The following MTHFD2L variants were observed in gnomAD, a reference collection of about 807,000 sequenced individuals.
MTHFD2L encodes methylenetetrahydrofolate dehydrogenase (NADP+ dependent) 2 like.
Under a neutral mutation model 34.9 loss-of-function variants are expected in MTHFD2L, and 29 were observed. The observed-to-expected ratio is 0.83, with a 90% CI of 0.62 to 1.13. The LOEUF (loss-of-function observed/expected upper bound fraction) is 1.13, where lower values mean the gene tolerates loss of function less well. Ranked by LOEUF, MTHFD2L falls within the 50% of genes most tolerant of loss-of-function variation. The pLI, the probability that MTHFD2L is intolerant of heterozygous loss-of-function variation, is 0.00. For synonymous variants in MTHFD2L, 167 were observed against 155.7 expected, an observed-to-expected ratio of 1.07 and a Z score of -0.54; for missense variants, 481 against 446.5, an observed-to-expected ratio of 1.08 and a Z score of -0.70.
intron 1 of MTHFD2L, among the ~76,000 whole-genome samples, chr4:74,149,471 G>A (rs975611717): frequency 6.1e-5 from 9 of 146,822 alleles, no homozygotes; most frequent in African/African-American, 2.2e-4. Context: ...GGAGTAAAAG[G>A]GAAAAAGCAA....
At chr4:74,241,547 A>AATTTTTGT in intron 6 of MTHFD2L, 1 of 445,938 alleles carries the variant, frequency 2.2e-6, no homozygotes, top group South Asian at 1.6e-5. Flanking sequence ...ATGCGTAGCT[A>AATTTTTGT]ATTTTTGTAT....
At chr4:74,181,991 G>A (rs1730266264) in intron 3 of MTHFD2L, among the ~76,000 whole-genome samples, 1 of 152,062 alleles carries the variant, frequency 6.6e-6, no homozygotes, top group Admixed American at 6.6e-5. Context: ...TATGTATCCA[G>A]AACACTGATT....
chr4:74,134,848 C>T (rs1047391504), intron 1 of MTHFD2L, among the ~76,000 whole-genome samples: 5 of 151,682 alleles, frequency 3.3e-5, no homozygotes, highest in African/African-American at 1.2e-4. Flanking sequence ...GGATCTCAAC[C>T]ACAGAATAGG....
chr4:74,227,184 A>G (rs1048411250), intron 6 of MTHFD2L, among the ~76,000 whole-genome samples: 4 of 151,886 alleles, frequency 2.6e-5, no homozygotes, highest in South Asian at 2.1e-4. Flanking sequence ...TTTCTTCTCT[A>G]CTCTTTTCCA....
chr4:74,251,355 C>T (rs1055472095), intron 6 of MTHFD2L, among the ~76,000 whole-genome samples: 3 of 152,226 alleles, frequency 2.0e-5, no homozygotes, highest in Non-Finnish European at 2.9e-5. Flanking sequence ...CAGCCTTTCT[C>T]TTCTCCTAAG....
intron 1 of MTHFD2L, among the ~76,000 whole-genome samples, chr4:74,166,108 A>G (rs1560433873): frequency 6.6e-6 from 1 of 152,246 alleles, no homozygotes; most frequent in Non-Finnish European, 1.5e-5. Context: ...TAAAATTGCT[A>G]TTATAGATGT....
upstream of MTHFD2L, among the ~76,000 whole-genome samples, chr4:74,123,726 T>G (rs981445225): frequency 1.3e-5 from 2 of 152,134 alleles, no homozygotes; most frequent in African/African-American, 4.8e-5. Flanking sequence ...TAAAAATTTC[T>G]TTATTTCTGT....
At chr4:74,164,545 C>T (rs1358533780) in intron 1 of MTHFD2L, among the ~76,000 whole-genome samples, 1 of 152,204 alleles carries the variant, frequency 6.6e-6, no homozygotes, top group Non-Finnish European at 1.5e-5. Context: ...ATGTCTCCAT[C>T]TGTAATTTAG....
At chr4:74,179,768 TATTC>T (rs1729771446) in intron 3 of MTHFD2L, among the ~76,000 whole-genome samples, 1 of 152,146 alleles carries the variant, frequency 6.6e-6, no homozygotes, top group African/African-American at 2.4e-5. Flanking sequence ...ATAATTTAAA[TATTC>T]ATTCATCAAT....
intron 6 of MTHFD2L, among the ~76,000 whole-genome samples, chr4:74,253,482 G>A (rs956469000): frequency 6.6e-6 from 1 of 152,142 alleles, no homozygotes; most frequent in Non-Finnish European, 1.5e-5. Context: ...GAGAGTATAG[G>A]AAGGACATTT....
intron 3 of MTHFD2L, chr4:74,195,952 G>A (rs1733394509): frequency 6.6e-6 from 1 of 152,212 alleles, no homozygotes; most frequent in Admixed American, 6.5e-5. Context: ...TGAATAGAAT[G>A]GGAGGCAGAT....
chr4:74,226,021 A>C (rs1352055482), intron 6 of MTHFD2L, among the ~76,000 whole-genome samples: 1 of 152,106 alleles, frequency 6.6e-6, no homozygotes, highest in African/African-American at 2.4e-5. Context: ...ATAAAGAAAA[A>C]ACCCAAGCCC....
chr4:74,188,988 G>T (rs998643588), intron 3 of MTHFD2L, among the ~76,000 whole-genome samples: 2 of 151,740 alleles, frequency 1.3e-5, no homozygotes, highest in African/African-American at 2.4e-5. Flanking sequence ...AGAATGACAG[G>T]CACAGGACTC....
At chr4:74,197,508 A>G (rs541431869) in intron 3 of MTHFD2L, among the ~76,000 whole-genome samples, 2 of 152,278 alleles carry the variant, frequency 1.3e-5, no homozygotes, top group South Asian at 4.1e-4. Flanking sequence ...GGGATATTTT[A>G]GAGTTATCAA....
intron 3 of MTHFD2L, chr4:74,183,917 A>C (rs1177475319): frequency 6.6e-6 from 1 of 152,178 alleles, no homozygotes; most frequent in Non-Finnish European, 1.5e-5. Flanking sequence ...AATGTATGGC[A>C]ACAATAGCAC....
chr4:74,141,106 C>A (rs1394779333), intron 1 of MTHFD2L, among the ~76,000 whole-genome samples: 2 of 152,120 alleles, frequency 1.3e-5, no homozygotes, highest in African/African-American at 4.8e-5. Flanking sequence ...GCCCTAACTT[C>A]AAAGATGAAA....
chr4:74,132,125 C>T (rs182733201), intron 1 of MTHFD2L, among the ~76,000 whole-genome samples: 485 of 152,246 alleles, frequency 3.2e-3, no homozygotes, highest in Non-Finnish European at 5.8e-3. Flanking sequence ...AATAGGGATG[C>T]TTTTATATTG....
At chr4:74,278,072 G>T (rs912775515) in intron 6 of MTHFD2L, among the ~76,000 whole-genome samples, 1 of 152,076 alleles carries the variant, frequency 6.6e-6, no homozygotes, top group African/African-American at 2.4e-5. Flanking sequence ...TGTTTATTGA[G>T]ATAGTTGCTT....
chr4:74,171,667 G>A lies in MTHFD2L; in HGVS notation c.144-2839G>A, dbSNP rs149064812. 2.4e-3 allele frequency among the ~76,000 whole-genome samples: 361 copies of A among 152,156 alleles called. 6 individuals carry two copies. The East Asian group carries it at 0.035, about 15-fold the overall frequency. On this transcript the variant is annotated intron_variant, in intron 1 of 7. Coordinates refer to ENST00000325278, the MANE Select transcript of MTHFD2L (RefSeq NM_001144978.3). The stretch of plus-strand genomic sequence containing the variant: ...AATATACAAAAATTAGTCAGGCATG[G>A]TGGCATATGTCTGTAATTCCAGCTA...
Sources: gnomAD v4.1 joint callset for allele counts (sites outside exome capture counted in the v4.1 genomes callset) on GRCh38, gnomAD v4.1.1 for gene constraint, MANE v1.5 for transcripts, NCBI Gene and HGNC (gene_info 2026-07-23, HGNC 2026-07-21) for gene names.